Variants in KSR1 observed in about 807,000 individuals in gnomAD.
KSR1 encodes the protein kinase suppressor of ras 1.
In KSR1, 35 loss-of-function variants were observed where a neutral mutation model predicts 92.9. The ratio of observed to expected loss-of-function variants is 0.38; its 90% confidence interval spans 0.29 to 0.50. KSR1 has a LOEUF of 0.50. KSR1 is among the 20% of genes least tolerant of loss of function. The probability of loss-of-function intolerance (pLI) is 0.94; values close to 1 mark genes in which losing one functional copy is unlikely to be tolerated. For missense variants in KSR1, 972 were observed against 1,158.5 expected (o/e 0.84, Z 2.34); for synonymous variants, 467 against 472.6 (o/e 0.99, Z 0.15).
chr17:27,498,920 A>T (rs879471279), intron 1 of KSR1, among the ~76,000 whole-genome samples: 1 of 152,214 alleles, frequency 6.6e-6, no homozygotes, highest in Non-Finnish European at 1.5e-5. Flanking sequence ...AGGCACTGAA[A>T]GAAATGAGTG....
chr17:27,494,050 C>T (rs2068904964), intron 1 of KSR1, among the ~76,000 whole-genome samples: 1 of 152,096 alleles, frequency 6.6e-6, no homozygotes, highest in African/African-American at 2.4e-5. Flanking sequence ...GTCCGCCTTT[C>T]ATGTCCACAG....
chr17:27,477,974 C>T (rs1327501307), intron 1 of KSR1, among the ~76,000 whole-genome samples: 3 of 152,132 alleles, frequency 2.0e-5, no homozygotes, highest in Non-Finnish European at 1.5e-5. Flanking sequence ...GCCTTGGCCT[C>T]CCAAAGTGCT....
At chr17:27,502,729 G>A (rs922287860) in intron 1 of KSR1, among the ~76,000 whole-genome samples, 5 of 152,246 alleles carry the variant, frequency 3.3e-5, no homozygotes, top group African/African-American at 9.6e-5. Context: ...CACAGATGTC[G>A]TTTGACTTCA....
intron 2 of KSR1, among the ~76,000 whole-genome samples, chr17:27,564,150 A>G (rs1438097293): frequency 6.6e-6 from 1 of 151,742 alleles, no homozygotes; most frequent in Non-Finnish European, 1.5e-5. Flanking sequence ...CACCACACCC[A>G]GCTAATTTTT....
In KSR1 at chr17:27,559,617, C is replaced by T. The variant is rs941882067; in HGVS notation, c.372+8909C>T. Among the ~76,000 whole-genome samples the T allele has an allele frequency of 4.6e-5, 7 of 152,228 alleles. No individual in the cohort carries two copies. The highest frequency in any genetic ancestry group is 1.7e-4 in the African/African-American group (7 of 41,446). ...GGGATGCTGAAGACACCTTCCTCTG[C>T]CCCAGGAGCACACAGACTGGGGTGA... On this transcript the variant is annotated intron_variant, in intron 2 of 20. Transcript: ENST00000644974. The surrounding 1 kb of genome is among the most constrained non-coding windows in gnomAD (Gnocchi z 4.2).
intron 2 of KSR1, among the ~76,000 whole-genome samples, chr17:27,552,203 C>T (rs928313470): frequency 2.0e-5 from 3 of 152,144 alleles, no homozygotes; most frequent in African/African-American, 4.8e-5. Context: ...TGACACTGAC[C>T]ACTTTCTGGA....
intron 4 of KSR1, 86 bp downstream of exon 4, chr17:27,583,191 C>T: frequency 1.1e-6 from 1 of 925,678 alleles, no homozygotes. Flanking sequence ...ATAAAATCAA[C>T]CCCTATAGAC....
chr17:27,457,493 C>T (rs1213271608), intron 1 of KSR1, among the ~76,000 whole-genome samples: 3 of 152,192 alleles, frequency 2.0e-5, no homozygotes, highest in Non-Finnish European at 4.4e-5. Context: ...CGCTGACTCC[C>T]CCTGCTTCCC....
chr17:27,552,638 G>A (rs1478945946), intron 2 of KSR1, among the ~76,000 whole-genome samples: 1 of 152,174 alleles, frequency 6.6e-6, no homozygotes, highest in Non-Finnish European at 1.5e-5. Context: ...CCCTCTCCAG[G>A]AAGGCTAGGG....
At position 27,605,519 on chromosome 17, in the gene KSR1, G is replaced by C. The variant is rs556398823; in HGVS notation, c.1700G>C (p.Arg567Pro). 1.0e-5 allele frequency: 16 copies of C among 1,599,428 alleles called. No homozygotes were observed. In the African/African-American group the frequency reaches 1.7e-4, roughly 17 times the overall value. The change falls in exon 14 of 21, where the codon CGG (arginine) becomes CCG (proline). Residue 567 changes from arginine (R) to proline (P), a missense_variant. Coordinates refer to ENST00000644974, the MANE Select transcript of KSR1 (RefSeq NM_001394583.1). ...DDLPSSRRPW[R>P]GPISRKASQT... ...TTGCCGAGCTCTCGCCGGCCCTGGC[G>C]GGGCCCCATCTCTCGCAAGGCCAGC...
chr17:27,476,598 G>A (rs193299799), intron 1 of KSR1, among the ~76,000 whole-genome samples: 89 of 152,286 alleles, frequency 5.8e-4, no homozygotes, highest in African/African-American at 2.0e-3. Flanking sequence ...CACATTGCCC[G>A]TGATGTGCCC....
At chr17:27,536,942 G>T (rs1252965501) in intron 1 of KSR1, among the ~76,000 whole-genome samples, 1 of 152,222 alleles carries the variant, frequency 6.6e-6, no homozygotes, top group Non-Finnish European at 1.5e-5. Context: ...ATACTTTGTG[G>T]CCGTCTTCAA....
intron 11 of KSR1, among the ~76,000 whole-genome samples, chr17:27,602,923 A>G (rs1327427502): frequency 6.6e-6 from 1 of 152,276 alleles, no homozygotes; most frequent in East Asian, 1.9e-4. Flanking sequence ...TCAAAGGCAG[A>G]AGAAAGCCCT....
intron 19 of KSR1, among the ~76,000 whole-genome samples, chr17:27,618,761 C>T (rs1391515699): frequency 2.0e-5 from 3 of 152,230 alleles, no homozygotes; most frequent in Non-Finnish European, 4.4e-5. Context: ...CGCTTCATCT[C>T]ACCCAGGAGT....
intron 1 of KSR1, chr17:27,527,084 G>T: frequency 2.4e-6 from 1 of 421,748 alleles, no homozygotes; most frequent in South Asian, 2.6e-5. Context: ...CAGGTACATT[G>T]ATTGCTTAAG....
chr17:27,600,648 C>T (rs1438508301), intron 10 of KSR1, among the ~76,000 whole-genome samples: 1 of 152,142 alleles, frequency 6.6e-6, no homozygotes, highest in African/African-American at 2.4e-5. Flanking sequence ...ATGCATGGTG[C>T]TGCCCTGTTA....
intron 2 of KSR1, among the ~76,000 whole-genome samples, chr17:27,558,527 A>G (rs550268864): frequency 2.9e-4 from 44 of 152,158 alleles, no homozygotes; most frequent in African/African-American, 1.0e-3. Context: ...AACGAAGATG[A>G]GAGCCCGTGC....
chr17:27,483,048 C>T (rs1487860939), intron 1 of KSR1, among the ~76,000 whole-genome samples: 6 of 152,262 alleles, frequency 3.9e-5, no homozygotes, highest in East Asian at 1.9e-4. Context: ...CATTTCATTG[C>T]GCAGGCCTTG....
At chr17:27,537,222 A>G (rs896849320) in intron 1 of KSR1, among the ~76,000 whole-genome samples, 8 of 152,356 alleles carry the variant, frequency 5.3e-5, no homozygotes, top group South Asian at 2.1e-4. Flanking sequence ...GAATCAGGGT[A>G]GAACAAGGAT....
Sources: allele counts gnomAD v4.1 joint callset (sites outside exome capture counted in the v4.1 genomes callset), GRCh38; gene constraint gnomAD v4.1.1; non-coding constraint Gnocchi (gnomAD v3.1); transcripts MANE v1.5; gene names NCBI Gene and HGNC (gene_info 2026-07-23, HGNC 2026-07-21).